CDH1: variants seen among roughly 807,000 people sequenced by gnomAD.
CDH1 encodes the protein cadherin-1.
Under a neutral mutation model 84.5 loss-of-function variants are expected in CDH1, and 35 were observed. The ratio of observed to expected loss-of-function variants is 0.41; its 90% confidence interval spans 0.32 to 0.55. CDH1 has a LOEUF of 0.55. Among genes scored for constraint, CDH1 ranks in the 20% least tolerant of loss-of-function variants. CDH1 has a pLI of 0.19. For synonymous variants in CDH1, 417 were observed against 439.0 expected (o/e 0.95, Z 0.63); for missense variants, 994 against 1,126.6 (o/e 0.88, Z 1.68).
At chr16:68,740,634 G>C (rs1315935662) in intron 2 of CDH1, among the ~76,000 whole-genome samples, 1 of 152,086 alleles carries the variant, frequency 6.6e-6, no homozygotes, top group African/African-American at 2.4e-5. Flanking sequence ...TAGCACCAAG[G>C]GTGGGTTGGT....
intron 2 of CDH1, among the ~76,000 whole-genome samples, chr16:68,780,165 C>T (rs1351183727): frequency 2.6e-5 from 4 of 152,124 alleles, no homozygotes; most frequent in Non-Finnish European, 5.9e-5. Context: ...CTCCCTCCTT[C>T]CCTCCCTTCC....
At chr16:68,830,018 C>T (rs1157457902) in intron 15 of CDH1, among the ~76,000 whole-genome samples, 1 of 146,036 alleles carries the variant, frequency 6.8e-6, no homozygotes, top group Admixed American at 7.0e-5. Context: ...AGTGCAATGG[C>T]GCAATCTTTG....
chr16:68,787,824 A>ACTTTTTTT (rs1960100174), intron 2 of CDH1, among the ~76,000 whole-genome samples: 1 of 91,922 alleles, frequency 1.1e-5, no homozygotes. Context: ...ACGCCCGGCT[A>ACTTTTTTT]ATTTTTTTTT....
intron 15 of CDH1, among the ~76,000 whole-genome samples, chr16:68,832,793 C>A (rs1961518586): frequency 6.6e-6 from 1 of 152,044 alleles, no homozygotes; most frequent in South Asian, 2.1e-4. Context: ...GCACTCCAGC[C>A]TGTGTGACAA....
intron 2 of CDH1, among the ~76,000 whole-genome samples, chr16:68,772,938 A>C (rs1959621443): frequency 6.6e-6 from 1 of 152,166 alleles, no homozygotes; most frequent in African/African-American, 2.4e-5. Context: ...AAAAACAAAA[A>C]CAAAAACCAA....
Position 68,801,899 on chromosome 16 carries a change from T to C in CDH1, c.387+6T>C, listed in dbSNP as rs764434962. ...ACCGCCCCCCGCCCCATCAGGTATG[T>C]TGGCATTTTTCTGAGAAGTTCGCTG... On this transcript the variant is annotated splice_donor_region_variant and intron_variant, in intron 3 of 15. Coordinates refer to ENST00000261769, the MANE Select transcript of CDH1 (RefSeq NM_004360.5). The C allele has an allele frequency of 3.7e-6, 6 of 1,611,036 alleles. No homozygotes were observed. In the Admixed American group the frequency reaches 1.0e-4, roughly 27 times the overall value.
chr16:68,776,040 A>G (rs1959723933), intron 2 of CDH1, among the ~76,000 whole-genome samples: 1 of 152,092 alleles, frequency 6.6e-6, no homozygotes, highest in Non-Finnish European at 1.5e-5. Context: ...GCAGTGGTGC[A>G]ATCTTGGCTT....
intron 2 of CDH1, among the ~76,000 whole-genome samples, chr16:68,800,615 G>A (rs1244851014): frequency 3.3e-5 from 5 of 152,144 alleles, no homozygotes; most frequent in Non-Finnish European, 7.4e-5. Flanking sequence ...ACAATTATTT[G>A]AAAGGGAGGA....
At chr16:68,741,080 T>G (rs1001689825) in intron 2 of CDH1, among the ~76,000 whole-genome samples, 1 of 147,208 alleles carries the variant, frequency 6.8e-6, no homozygotes, top group Non-Finnish European at 1.5e-5. Flanking sequence ...CCGGGGGAGG[T>G]GGCGGGGGAC....
chr16:68,762,176 A>G (rs1445188079), intron 2 of CDH1, among the ~76,000 whole-genome samples: 2 of 151,960 alleles, frequency 1.3e-5, no homozygotes, highest in South Asian at 2.1e-4. Context: ...TGACCCCTCC[A>G]CTGGGGACAC....
At chr16:68,742,840 A>T (rs1962604186) in intron 2 of CDH1, among the ~76,000 whole-genome samples, 1 of 152,182 alleles carries the variant, frequency 6.6e-6, no homozygotes, top group East Asian at 1.9e-4. Flanking sequence ...ACCTTACATC[A>T]TCAGATCCCC....
intron 2 of CDH1, among the ~76,000 whole-genome samples, chr16:68,791,148 G>A (rs1960197036): frequency 6.6e-6 from 1 of 152,102 alleles, no homozygotes; most frequent in Non-Finnish European, 1.5e-5. Flanking sequence ...ACTAGAACAG[G>A]CTGCCCCCAT....
chr16:68,745,550 A>AAATATATATATATATATATG (rs71253605), intron 2 of CDH1, among the ~76,000 whole-genome samples: 1 of 50,498 alleles, frequency 2.0e-5, no homozygotes, highest in East Asian at 3.8e-4. Context: ...AAAAAAAAAA[A>AAATATATATATATATATATG]TATATATATA....
chr16:68,830,075 C>T (rs1254543240), intron 15 of CDH1, among the ~76,000 whole-genome samples: 1 of 151,750 alleles, frequency 6.6e-6, no homozygotes, highest in African/African-American at 2.4e-5. Flanking sequence ...CTGCCTCAGC[C>T]TCCCAAGTAG....
chr16:68,787,099 G>A (rs1960072793), intron 2 of CDH1, among the ~76,000 whole-genome samples: 2 of 152,190 alleles, frequency 1.3e-5, no homozygotes, highest in African/African-American at 4.8e-5. Flanking sequence ...GCCAGTGCTT[G>A]GAAAATGTGG....
At chr16:68,802,595 T>A (rs1398060768) in intron 3 of CDH1, among the ~76,000 whole-genome samples, 1 of 151,942 alleles carries the variant, frequency 6.6e-6, no homozygotes, top group Non-Finnish European at 1.5e-5. Context: ...CTCCACCTCC[T>A]GAGTAGCTGG....
intron 2 of CDH1, 100 bp from the exon 3 acceptor site, chr16:68,801,570 G>A: frequency 1.1e-6 from 1 of 916,788 alleles, no homozygotes; most frequent in South Asian, 1.3e-5. Context: ...GGTTGTGTTT[G>A]GTTTTGTGGG....
chr16:68,766,240 C>CA (rs1457430182), intron 2 of CDH1, among the ~76,000 whole-genome samples: 1 of 152,156 alleles, frequency 6.6e-6, no homozygotes, highest in East Asian at 1.9e-4. Flanking sequence ...GCCTGGGCGA[C>CA]AGAGTGAGAT....
intron 2 of CDH1, among the ~76,000 whole-genome samples, chr16:68,772,075 TG>T (rs1047720126): frequency 6.6e-6 from 1 of 152,194 alleles, no homozygotes; most frequent in African/African-American, 2.4e-5. Context: ...GGCTTGAACT[TG>T]GGTCGTCTGA....
Sources: allele counts gnomAD v4.1 joint callset (sites outside exome capture counted in the v4.1 genomes callset), GRCh38; gene constraint gnomAD v4.1.1; transcripts MANE v1.5; gene names NCBI Gene and HGNC (gene_info 2026-07-23, HGNC 2026-07-21).